The following CACNA1A variants were observed in gnomAD, a reference collection of about 807,000 sequenced individuals.
The protein encoded by CACNA1A is calcium voltage-gated channel subunit alpha1 A, also known as voltage-dependent P/Q-type calcium channel subunit alpha-1A.
CACNA1A carries 57 observed loss-of-function variants against 262.4 expected under a neutral mutation model. The ratio of observed to expected loss-of-function variants is 0.22; its 90% CI spans 0.18 to 0.27. The LOEUF is 0.27. CACNA1A is among the 10% of genes least tolerant of loss of function. CACNA1A has a pLI of 1.00. For synonymous variants in CACNA1A, 1,431 were observed against 1,419.3 expected, an observed-to-expected ratio of 1.01 and a Z score of -0.18; for missense variants, 2,526 against 3,562.8, an observed-to-expected ratio of 0.71 and a Z score of 7.41.
Position 13,336,556 on chromosome 19 carries a change from T to G in CACNA1A, c.979-647A>C, listed in dbSNP as rs372866340. ...GGGAAGAAAATCAAGGAGAGGAGGT[T>G]GGGGGGTGGAGAGAGAAAGAGAGAC... On this transcript the variant is annotated intron_variant, in intron 6 of 46. Transcript: ENST00000360228. Among the ~76,000 whole-genome samples the G allele has an allele frequency of 6.7e-4, 61 of 90,648 alleles. 2 individuals are homozygous for G. In the East Asian group the frequency reaches 0.014, roughly 22 times the overall value. The allele number at this position is 90,648 out of a possible 152,430, so 59.5% of individuals were successfully genotyped here.
In CACNA1A at chr19:13,207,258, T is replaced by G; in HGVS notation, c.*55A>C. 2.0e-6 allele frequency: 3 copies of G among 1,468,136 alleles called. No homozygotes were observed. Among genetic ancestry groups the G allele is most frequent in the South Asian group, 1.3e-5 (1 of 78,948 alleles). The allele number at this position is 1,468,136 out of a possible 1,614,324, so 90.9% of individuals were successfully genotyped here. A position where few individuals can be genotyped will look rare whatever the true frequency, so the allele number is the denominator to read the frequency against. On this transcript the variant is annotated 3_prime_UTR_variant, in exon 47 of 47. Coordinates refer to ENST00000360228, the MANE Select transcript of CACNA1A (RefSeq NM_001127222.2). This position sits in a 1 kb window ranked among gnomAD's most constrained non-coding sequence, Gnocchi z 5.7. ...CGCGGCCTCTGCGCGGCTCCTCGGGTGGGGTGTGTGCGTGGGGTGCGTGGG... is the reference window on the plus strand; with the variant it reads ...CGCGGCCTCTGCGCGGCTCCTCGGGGGGGGTGTGTGCGTGGGGTGCGTGGG...
chr19:13,220,723 C>T (rs7246626), intron 38 of CACNA1A, among the ~76,000 whole-genome samples: 85,183 of 151,852 alleles, frequency 0.56, 24,436 homozygotes, highest in Middle Eastern at 0.75. Flanking sequence ...CATCCCAGTC[C>T]CCAGTGATCC....
chr19:13,336,988 GCTTTAAAAGCCCAC>G (rs1262268327), intron 6 of CACNA1A, among the ~76,000 whole-genome samples: 1 of 152,206 alleles, frequency 6.6e-6, no homozygotes. Flanking sequence ...CTCAAGTGTG[GCTTTAAAAGCCCAC>G]CTTTAAAAGC....
chr19:13,382,043 C>G (rs8112250), intron 3 of CACNA1A, among the ~76,000 whole-genome samples: 21,276 of 152,020 alleles, frequency 0.14, 1,751 homozygotes, highest in African/African-American at 0.23. Flanking sequence ...CGCAGTTGAA[C>G]GCTGATAAGC....
At position 13,262,535 on chromosome 19, in the gene CACNA1A, TAC is replaced by T. The variant is rs1316350839; in HGVS notation, c.4089+197_4089+198del. 5.3e-6 allele frequency: 3 copies of T among 562,618 alleles called. 1 individual carries two copies. The South Asian group carries it at 7.1e-5, about 13-fold the overall frequency. 34.9% of individuals were successfully genotyped at this position (562,618 alleles called of 1,614,324 possible). A position where few individuals can be genotyped will look rare whatever the true frequency, so the allele number is the denominator to read the frequency against. ...TTCATCTAAAGAAAAACTGCCATAA[TAC>T]ACAGATTATTTTAGGTCAGCTCACT... is the stretch of plus-strand genomic sequence containing the variant. On this transcript the variant is annotated intron_variant, in intron 25 of 46. Coordinates refer to ENST00000360228, the MANE Select transcript of CACNA1A (RefSeq NM_001127222.2).
intron 22 of CACNA1A, among the ~76,000 whole-genome samples, chr19:13,282,858 T>C (rs962149993): frequency 2.0e-5 from 3 of 152,262 alleles, no homozygotes; most frequent in South Asian, 2.1e-4. Context: ...CTGAGCCAAA[T>C]AGTTGTTTCT....
chr19:13,207,858 C>CCTGCTGCTGCTGCTGCTGCTGCTG lies in CACNA1A; in HGVS notation c.6952_6975dup (p.Gln2318_Gln2325dup). The CCTGCTGCTGCTGCTGCTGCTGCTG allele has an allele frequency of 1.1e-5, 16 of 1,431,230 alleles. No individual in the cohort carries two copies. The East Asian group carries it at 2.6e-4, about 23-fold the overall frequency. The allele number at this position is 1,431,230 out of a possible 1,614,324, so 88.7% of individuals were successfully genotyped here. On this transcript the variant is annotated inframe_insertion, in exon 47 of 47. Coordinates refer to ENST00000360228, the MANE Select transcript of CACNA1A (RefSeq NM_001127222.2). The surrounding 1 kb of genome is among the most constrained non-coding windows in gnomAD (Gnocchi z 5.7). Reference sequence around the variant, plus strand: ...GCCGCCCGGCCCGGCCTGGCCACCGCCTGCTGCTGCTGCTGCTGCTGCTGC... The same window carrying CCTGCTGCTGCTGCTGCTGCTGCTG: ...GCCGCCCGGCCCGGCCTGGCCACCGCCTGCTGCTGCTGCTGCTGCTGCTGCTGCTGCTGCTGCTGCTGCTGCTGC...
At chr19:13,473,546 C>T (rs943430524) in intron 1 of CACNA1A, among the ~76,000 whole-genome samples, 6 of 152,180 alleles carry the variant, frequency 3.9e-5, no homozygotes, top group Admixed American at 3.9e-4. Context: ...GTCCTGGCAG[C>T]CCTAGGAAAC....
At chr19:13,323,318 C>T (rs2058293216) in intron 10 of CACNA1A, among the ~76,000 whole-genome samples, 1 of 152,110 alleles carries the variant, frequency 6.6e-6, no homozygotes, top group Non-Finnish European at 1.5e-5. Flanking sequence ...GCTACTCTAA[C>T]AGGTGTGAGG....
intron 3 of CACNA1A, among the ~76,000 whole-genome samples, chr19:13,377,296 C>T (rs2059436914): frequency 2.0e-5 from 3 of 151,594 alleles, no homozygotes; most frequent in Admixed American, 2.0e-4. Context: ...TTACTGCTGA[C>T]AATGCACTGG....
intron 6 of CACNA1A, among the ~76,000 whole-genome samples, chr19:13,349,035 CAAAG>C (rs147446850): frequency 0.022 from 2,722 of 121,314 alleles, 91 homozygotes; most frequent in African/African-American, 0.089. Context: ...AAAAGAGAGA[CAAAG>C]AGAGAGAGGG....
chr19:13,367,458 T>A (rs1160769890), intron 4 of CACNA1A, among the ~76,000 whole-genome samples: 10 of 151,804 alleles, frequency 6.6e-5, no homozygotes, highest in African/African-American at 1.5e-4. Flanking sequence ...CCAGGTGTGG[T>A]GGCTCACGCC....
At position 13,207,668 on chromosome 19, in the gene CACNA1A, C is replaced by A. The variant is rs1187466461; in HGVS notation, c.7166G>T (p.Arg2389Leu). Residue 2389 changes from arginine (R) to leucine (L), a missense_variant, in exon 47 of 47, where the codon CGG (arginine) becomes CTG (leucine). Transcript: ENST00000360228. The surrounding 1 kb of genome is among the most constrained non-coding windows in gnomAD (Gnocchi z 5.7). ...CACGTGCGGGCCAGATGCCGGCCACCGGGCCCCGCCGTGTCGACAGGCCCT... is the reference window on the plus strand; with the variant it reads ...CACGTGCGGGCCAGATGCCGGCCACAGGGCCCCGCCGTGTCGACAGGCCCT... Reference protein sequence around the residue: ...SPRACRHGGARWPASGPHVSE... With the variant: ...SPRACRHGGALWPASGPHVSE... The A allele has an allele frequency of 3.5e-6, 5 of 1,428,718 alleles. No homozygotes were observed. The highest frequency in any genetic ancestry group is 4.6e-6 in the Non-Finnish European group (5 of 1,090,002). 88.5% of individuals were successfully genotyped at this position (1,428,718 alleles called of 1,614,324 possible).
At chr19:13,415,963 A>G (rs957214917) in intron 3 of CACNA1A, among the ~76,000 whole-genome samples, 1 of 151,942 alleles carries the variant, frequency 6.6e-6, no homozygotes, top group African/African-American at 2.4e-5. Flanking sequence ...CAGGCCTCTG[A>G]GCGGTCCTCT....
intron 7 of CACNA1A, 64 bp downstream of exon 7, chr19:13,335,742 C>T: frequency 9.5e-7 from 1 of 1,056,890 alleles, no homozygotes; most frequent in African/African-American, 1.6e-5. Flanking sequence ...TCAATGGCCT[C>T]TACTTGGAAA....
At chr19:13,392,754 T>C (rs1428651512) in intron 3 of CACNA1A, among the ~76,000 whole-genome samples, 1 of 152,060 alleles carries the variant, frequency 6.6e-6, no homozygotes, top group Non-Finnish European at 1.5e-5. Context: ...CTTCCTTTCT[T>C]CTTTTTGAGA....
chr19:13,458,235 C>T (rs981249905), intron 1 of CACNA1A, among the ~76,000 whole-genome samples: 25 of 152,154 alleles, frequency 1.6e-4, no homozygotes, highest in African/African-American at 5.6e-4. Context: ...TCATAGCTCA[C>T]CGCAGCCTTG....
chr19:13,312,978 ACT>A (rs2145031838), intron 11 of CACNA1A, among the ~76,000 whole-genome samples, 197 bp from the exon 12 acceptor site: 1 of 152,206 alleles, frequency 6.6e-6, no homozygotes, highest in African/African-American at 2.4e-5. Flanking sequence ...ACATGCTAGA[ACT>A]ACAGGCATGT....
intron 1 of CACNA1A, among the ~76,000 whole-genome samples, chr19:13,478,134 T>G (rs527643653): frequency 6.6e-6 from 1 of 152,124 alleles, no homozygotes; most frequent in Non-Finnish European, 1.5e-5. Flanking sequence ...TCTTCCGTAT[T>G]TTCACTCTGG....
Sources: allele counts gnomAD v4.1 joint callset (sites outside exome capture counted in the v4.1 genomes callset), GRCh38; gene constraint gnomAD v4.1.1; non-coding constraint Gnocchi (gnomAD v3.1); transcripts MANE v1.5; gene names NCBI Gene and HGNC (gene_info 2026-07-23, HGNC 2026-07-21).